Variants in SHC3 observed in about 807,000 individuals in gnomAD.
The protein encoded by SHC3 is SHC-transforming protein 3.
In SHC3, 15 loss-of-function variants were observed where a neutral mutation model predicts 60.4. The observed-to-expected ratio is 0.25, with a 90% CI of 0.17 to 0.38. The LOEUF (loss-of-function observed/expected upper bound fraction) is 0.38, where lower values mean the gene tolerates loss of function less well. Ranked by LOEUF, SHC3 falls within the 10% of genes least tolerant of loss-of-function variation. SHC3 has a pLI of 1.00. For missense variants in SHC3, 677 were observed against 786.1 expected (o/e 0.86, Z 1.66); for synonymous variants, 294 against 325.9 (o/e 0.90, Z 1.05).
At chr9:89,107,267 T>G (rs1825876496) in intron 2 of SHC3, among the ~76,000 whole-genome samples, 1 of 152,212 alleles carries the variant, frequency 6.6e-6, no homozygotes, top group Non-Finnish European at 1.5e-5. Flanking sequence ...CTTCCATGTT[T>G]CTGGGGTAGT....
At chr9:89,173,676 G>A (rs1490256465) in intron 1 of SHC3, among the ~76,000 whole-genome samples, 2 of 151,922 alleles carry the variant, frequency 1.3e-5, no homozygotes, top group African/African-American at 4.8e-5. Context: ...GTGTCTGTAT[G>A]GTTGTGTGTG....
At position 89,040,513 on chromosome 9, in the gene SHC3, C is replaced by T. The variant is rs1282631112; in HGVS notation, c.1360+1513G>A. Among the ~76,000 whole-genome samples, 2 of 152,060 alleles carry T rather than the reference C, an allele frequency of 1.3e-5. 1 individual carries two copies. The highest frequency in any genetic ancestry group is 3.9e-4 in the East Asian group (2 of 5,136). ...TCATCCCAAACACCAGCCAATCTAA[C>T]TTTCCTTAGGGTCCGTGTCCAGGAG... On this transcript the variant is annotated intron_variant, in intron 10 of 11. Transcript: ENST00000375835.
intron 1 of SHC3, 34 bp from the exon 2 acceptor site, chr9:89,112,660 G>A: frequency 6.4e-7 from 1 of 1,554,460 alleles, no homozygotes; most frequent in Non-Finnish European, 8.7e-7. Flanking sequence ...CGTGAGCCCT[G>A]AGATTTGAGA....
intron 1 of SHC3, among the ~76,000 whole-genome samples, chr9:89,130,119 G>C (rs1444630062): frequency 6.6e-6 from 1 of 152,118 alleles, no homozygotes; most frequent in Admixed American, 6.6e-5. Context: ...TGCAATCCTA[G>C]TCCCTGATAA....
chr9:89,069,077 G>A (rs1825228917), intron 5 of SHC3, among the ~76,000 whole-genome samples: 1 of 152,318 alleles, frequency 6.6e-6, no homozygotes, highest in East Asian at 1.9e-4. Flanking sequence ...GGGAGGCCGA[G>A]GTGGGTGGAC....
At chr9:89,027,043 C>T (rs1475642687) in intron 11 of SHC3, among the ~76,000 whole-genome samples, 1 of 152,148 alleles carries the variant, frequency 6.6e-6, no homozygotes, top group African/African-American at 2.4e-5. Context: ...AGAGAACTGA[C>T]CGTGGTGACC....
At chr9:89,147,119 G>T (rs1826479694) in intron 1 of SHC3, among the ~76,000 whole-genome samples, 1 of 151,016 alleles carries the variant, frequency 6.6e-6, no homozygotes, top group African/African-American at 2.4e-5. Flanking sequence ...AATGAGAATA[G>T]AAGAGCCTCA....
chr9:89,174,929 T>C (rs996019340), intron 1 of SHC3, among the ~76,000 whole-genome samples: 7 of 152,242 alleles, frequency 4.6e-5, no homozygotes, highest in Non-Finnish European at 1.0e-4. Context: ...GACCAGGATA[T>C]TGCCTTTTGA....
intron 2 of SHC3, among the ~76,000 whole-genome samples, chr9:89,110,656 C>G (rs1284551467): frequency 6.6e-6 from 1 of 152,216 alleles, no homozygotes; most frequent in Non-Finnish European, 1.5e-5. Context: ...GAAAATGATG[C>G]AAGAGACAGA....
chr9:89,142,699 G>A (rs543448251), intron 1 of SHC3, among the ~76,000 whole-genome samples: 1 of 151,366 alleles, frequency 6.6e-6, no homozygotes, highest in South Asian at 2.1e-4. Flanking sequence ...AAAGGCGGGG[G>A]GTGTCTTTTA....
At chr9:89,019,062 G>GA (rs1158735225) in intron 11 of SHC3, among the ~76,000 whole-genome samples, 1,468 of 108,556 alleles carry the variant, frequency 0.014, 12 homozygotes, top group African/African-American at 0.041. Context: ...CTGTCTCAGA[G>GA]AAAAAAAAAA....
intron 1 of SHC3, among the ~76,000 whole-genome samples, chr9:89,148,071 A>G (rs1391924343): frequency 6.6e-6 from 1 of 152,258 alleles, no homozygotes; most frequent in African/African-American, 2.4e-5. Context: ...GAAAGCTGAT[A>G]GTACTTCATT....
chr9:89,087,419 C>A (rs1825548741), intron 2 of SHC3, among the ~76,000 whole-genome samples: 1 of 152,110 alleles, frequency 6.6e-6, no homozygotes, highest in Non-Finnish European at 1.5e-5. Context: ...CCTCCCCTCA[C>A]CAAGCAGTGC....
chr9:89,130,063 A>G (rs932463348), intron 1 of SHC3, among the ~76,000 whole-genome samples: 1 of 152,198 alleles, frequency 6.6e-6, no homozygotes, highest in Non-Finnish European at 1.5e-5. Context: ...ATGGAGGAAG[A>G]TCTACCAAGC....
At chr9:89,129,168 T>G (rs1315790665) in intron 1 of SHC3, among the ~76,000 whole-genome samples, 1 of 151,946 alleles carries the variant, frequency 6.6e-6, no homozygotes, top group African/African-American at 2.4e-5. Flanking sequence ...TGATTGAAGA[T>G]CAAATTAATG....
chr9:89,054,082 C>T (rs1406131256), intron 6 of SHC3, among the ~76,000 whole-genome samples: 2 of 152,100 alleles, frequency 1.3e-5, no homozygotes, highest in African/African-American at 2.4e-5. Flanking sequence ...AGATGAAGAA[C>T]GAAGAATACG....
rs568335278 is a variant in SHC3 at position 89,131,052 on chromosome 9, G to A, written c.475-18426C>T. 7.2e-5 allele frequency among the ~76,000 whole-genome samples: 11 copies of A among 151,918 alleles called. No homozygotes were observed. In the South Asian group the frequency reaches 2.1e-3, roughly 29 times the overall value. ...GAAAAGAGAGAACAATCAAATAGAC[G>A]AAATAAAAAATGATAAAGGGGATAT... is the stretch of plus-strand genomic sequence containing the variant. On this transcript the variant is annotated intron_variant, in intron 1 of 11. Coordinates refer to ENST00000375835, the MANE Select transcript of SHC3 (RefSeq NM_016848.6).
chr9:89,028,724 A>ATATATATTCTCTATATAG (rs1319359339), intron 11 of SHC3, among the ~76,000 whole-genome samples: 6 of 144,274 alleles, frequency 4.2e-5, no homozygotes, highest in African/African-American at 1.3e-4. Context: ...CTATATAGAG[A>ATATATATTCTCTATATAG]ATATATATTC....
At chr9:89,024,117 A>G (rs1447099951) in intron 11 of SHC3, among the ~76,000 whole-genome samples, 4 of 152,124 alleles carry the variant, frequency 2.6e-5, no homozygotes, top group African/African-American at 9.7e-5. Context: ...CAGTTCACTC[A>G]GCCCCCTCTC....
Sources: allele counts gnomAD v4.1 joint callset (sites outside exome capture counted in the v4.1 genomes callset), GRCh38; gene constraint gnomAD v4.1.1; transcripts MANE v1.5; gene names NCBI Gene and HGNC (gene_info 2026-07-23, HGNC 2026-07-21).